The following CLNK variants were observed in gnomAD, a reference collection of about 807,000 sequenced individuals.
CLNK encodes the protein cytokine-dependent hematopoietic cell linker.
A neutral mutation model predicts 68.6 loss-of-function variants in CLNK; 74 were observed. The ratio of observed to expected loss-of-function variants is 1.08; its 90% confidence interval spans 0.89 to 1.31. The LOEUF (loss-of-function observed/expected upper bound fraction) is 1.31. Ranked by LOEUF, CLNK falls within the 50% of genes most tolerant of loss-of-function variation. The pLI is 0.00. For synonymous variants in CLNK, 198 were observed against 172.2 expected (o/e 1.15, Z -1.17); for missense variants, 553 against 515.3 (o/e 1.07, Z -0.71).
At chr4:10,523,065 A>T (rs529159338) in intron 14 of CLNK, among the ~76,000 whole-genome samples, 1 of 152,276 alleles carries the variant, frequency 6.6e-6, no homozygotes, top group East Asian at 1.9e-4. Context: ...GTCCAGGTAA[A>T]AGTTGATAGT....
intron 2 of CLNK, among the ~76,000 whole-genome samples, chr4:10,642,790 T>C (rs1170028860): frequency 2.0e-5 from 3 of 152,226 alleles, no homozygotes; most frequent in African/African-American, 4.8e-5. Flanking sequence ...GTCTCAACTC[T>C]AAAATGGTAA....
At chr4:10,612,307 G>T (rs772257410) in intron 2 of CLNK, among the ~76,000 whole-genome samples, 2 of 152,250 alleles carry the variant, frequency 1.3e-5, no homozygotes, top group African/African-American at 4.8e-5. Context: ...CCAACATCAT[G>T]GTCCTGAGAA....
chr4:10,640,210 G>T (rs1342683307), intron 2 of CLNK, among the ~76,000 whole-genome samples: 1 of 151,966 alleles, frequency 6.6e-6, no homozygotes, highest in Non-Finnish European at 1.5e-5. Flanking sequence ...CTGTCGCCAG[G>T]CTGGAGTGCA....
intron 2 of CLNK, among the ~76,000 whole-genome samples, chr4:10,639,560 A>G (rs962358673): frequency 6.6e-6 from 1 of 152,224 alleles, no homozygotes; most frequent in Admixed American, 6.5e-5. Context: ...TATATAAGTC[A>G]TGGAGAACAA....
chr4:10,582,638 T>C (rs1720824583), intron 4 of CLNK, among the ~76,000 whole-genome samples: 1 of 152,202 alleles, frequency 6.6e-6, no homozygotes, highest in Admixed American at 6.5e-5. Context: ...CTTGACAGAC[T>C]GTCCCAGTTG....
Position 10,520,820 on chromosome 4 carries a change from G to T in CLNK, c.743C>A (p.Thr248Lys). 1 of 1,605,328 alleles carries T rather than the reference G, an allele frequency of 6.2e-7. No individual in the cohort carries two copies. The highest frequency in any genetic ancestry group is 8.5e-7 in the Non-Finnish European group (1 of 1,174,276). The stretch of plus-strand genomic sequence containing the variant: ...GTTTTGCACACTGTGGTTGCTTGTC[G>T]TGAATGAAGAACTATAAGAAAATAT... ...IPLAISSSSF[T>K]TSNHSVQNRD... The change falls in exon 15 of 19, where the codon ACG becomes AAG. Residue 248 changes from threonine (T) to lysine (K), a missense_variant. Physicochemically the swap from Thr to Lys is moderately conservative, Grantham distance 78. Coordinates refer to ENST00000226951, the MANE Select transcript of CLNK (RefSeq NM_052964.4).
At chr4:10,609,485 G>A (rs115056433) in intron 2 of CLNK, among the ~76,000 whole-genome samples, 9 of 152,138 alleles carry the variant, frequency 5.9e-5, no homozygotes, top group Non-Finnish European at 1.3e-4. Flanking sequence ...ACTGCCACCT[G>A]CACAGTCATC....
In CLNK at chr4:10,659,501, C is replaced by T. The variant is rs1724108911; in HGVS notation, c.11+8358G>A. ...TCTGTTGGATTATTGCAGAGCTATA[C>T]TTCTATTGAAGTATTTGTTCTCCCC... On this transcript the variant is annotated intron_variant, in intron 2 of 18. Coordinates refer to ENST00000226951, the MANE Select transcript of CLNK (RefSeq NM_052964.4). Among the ~76,000 whole-genome samples the T allele has an allele frequency of 2.0e-5, 3 of 152,348 alleles. No homozygotes were observed. In the South Asian group the frequency reaches 6.2e-4, roughly 32 times the overall value.
At chr4:10,594,406 C>T (rs1721307973) in intron 3 of CLNK, among the ~76,000 whole-genome samples, 1 of 152,236 alleles carries the variant, frequency 6.6e-6, no homozygotes, top group Non-Finnish European at 1.5e-5. Flanking sequence ...GGTAACCATG[C>T]TTCCATCCGA....
chr4:10,650,552 CTGT>C (rs1723686422), intron 2 of CLNK, among the ~76,000 whole-genome samples: 1 of 151,988 alleles, frequency 6.6e-6, no homozygotes, highest in Non-Finnish European at 1.5e-5. Flanking sequence ...TCATTAATAC[CTGT>C]TGTTTGCCAA....
intron 1 of CLNK, among the ~76,000 whole-genome samples, chr4:10,681,731 A>G (rs1391955245): frequency 6.6e-6 from 1 of 152,216 alleles, no homozygotes; most frequent in Non-Finnish European, 1.5e-5. Flanking sequence ...TGCCCTGATC[A>G]TGAACCTGGG....
chr4:10,618,915 A>G (rs1722328039), intron 2 of CLNK, among the ~76,000 whole-genome samples: 1 of 152,254 alleles, frequency 6.6e-6, no homozygotes, highest in Non-Finnish European at 1.5e-5. Context: ...ACTGGGCATT[A>G]CAACTGGACC....
At chr4:10,506,884 C>G (rs1006660501) in intron 17 of CLNK, among the ~76,000 whole-genome samples, 3 of 152,066 alleles carry the variant, frequency 2.0e-5, no homozygotes, top group African/African-American at 7.2e-5. Context: ...ACTGCAAGCT[C>G]TGCCTCCCGG....
intron 2 of CLNK, among the ~76,000 whole-genome samples, chr4:10,621,921 A>G (rs1722475150): frequency 6.6e-6 from 1 of 152,226 alleles, no homozygotes. Context: ...CATTTAGCCC[A>G]GGTATTTCTG....
chr4:10,688,400 A>G (rs1725345168), upstream of CLNK, among the ~76,000 whole-genome samples: 1 of 152,124 alleles, frequency 6.6e-6, no homozygotes, highest in East Asian at 1.9e-4. Flanking sequence ...AAACAGGGGG[A>G]AAAACCCAAA....
intron 5 of CLNK, among the ~76,000 whole-genome samples, chr4:10,570,130 T>C (rs903591722): frequency 3.3e-5 from 5 of 152,106 alleles, no homozygotes; most frequent in African/African-American, 9.7e-5. Flanking sequence ...GACAGATGGG[T>C]ATTTGTGCAA....
the CLNK span, among the ~76,000 whole-genome samples, chr4:10,705,968 G>A: frequency 6.6e-6 from 1 of 152,220 alleles, no homozygotes; most frequent in African/African-American, 2.4e-5. Context: ...TGTGATCCTG[G>A]AAAGGCATTT....
At chr4:10,648,749 C>A (rs1213822239) in intron 2 of CLNK, among the ~76,000 whole-genome samples, 6 of 152,164 alleles carry the variant, frequency 3.9e-5, no homozygotes, top group African/African-American at 1.4e-4. Context: ...TTGTTCCATT[C>A]TTCTAGACAT....
At chr4:10,528,040 A>C (rs1718391890) in intron 13 of CLNK, 36 bp downstream of exon 13, 1 of 1,193,882 alleles carries the variant, frequency 8.4e-7, no homozygotes, top group Non-Finnish European at 1.1e-6. Context: ...CTAGTCTATT[A>C]GTATTAGGGT....
Sources: gnomAD v4.1 joint callset for allele counts (sites outside exome capture counted in the v4.1 genomes callset) on GRCh38, gnomAD v4.1.1 for gene constraint, MANE v1.5 for transcripts, NCBI Gene and HGNC (gene_info 2026-07-23, HGNC 2026-07-21) for gene names.